LINGO2: variants seen among roughly 807,000 people sequenced by gnomAD.
LINGO2 encodes leucine-rich repeat and immunoglobulin-like domain-containing nogo receptor-interacting protein 2.
In LINGO2, 14 loss-of-function variants were observed where a neutral mutation model predicts 30.6. The observed-to-expected ratio is 0.46, with a 90% CI of 0.30 to 0.72. LINGO2 has a LOEUF of 0.72. LINGO2 is among the 30% of genes least tolerant of loss of function. The probability of loss-of-function intolerance (pLI) is 0.07; values close to 1 mark genes in which losing one functional copy is unlikely to be tolerated. For missense variants in LINGO2, 729 were observed against 751.7 expected (o/e 0.97, Z 0.35); for synonymous variants, 317 against 288.5 (o/e 1.10, Z -1.00).
Position 28,068,056 on chromosome 9 carries a change from A to G in LINGO2, c.-86-55651T>C, listed in dbSNP as rs1311408897. On this transcript the variant is annotated intron_variant, in intron 4 of 5. Transcript: ENST00000379992. ...CATCAATTAGTTCTCTGGAATGACT[A>G]AAGTCTCTGTCTTCTCTACAGTGCC... Among the ~76,000 whole-genome samples the G allele has an allele frequency of 4.6e-5, 7 of 152,290 alleles. No homozygotes were observed. In the East Asian group the frequency reaches 1.4e-3, roughly 29 times the overall value.
chr9:28,884,068 A>C, the LINGO2 span, among the ~76,000 whole-genome samples: 1 of 151,664 alleles, frequency 6.6e-6, no homozygotes, highest in Non-Finnish European at 1.5e-5. Context: ...TGTCATGCTA[A>C]GTTTTCTCAG....
chr9:29,036,388 A>G, the LINGO2 span, among the ~76,000 whole-genome samples: 1 of 152,108 alleles, frequency 6.6e-6, no homozygotes, highest in Non-Finnish European at 1.5e-5. Flanking sequence ...TCAAGTCTTA[A>G]TAACTCAAAG....
the LINGO2 span, among the ~76,000 whole-genome samples, chr9:28,783,345 T>C: frequency 6.6e-6 from 1 of 152,198 alleles, no homozygotes. Context: ...AGATTACTTA[T>C]AATGCCTAAT....
At chr9:29,054,915 G>A in the LINGO2 span, among the ~76,000 whole-genome samples, 1,050 of 151,978 alleles carry the variant, frequency 6.9e-3, 15 homozygotes, top group African/African-American at 0.024. Flanking sequence ...ACTAGACTTC[G>A]ATCTTTTAAA....
At chr9:27,982,846 C>A (rs950107885) in intron 5 of LINGO2, among the ~76,000 whole-genome samples, 1 of 151,602 alleles carries the variant, frequency 6.6e-6, no homozygotes, top group Non-Finnish European at 1.5e-5. Flanking sequence ...TAATATCAAC[C>A]CTACACAATG....
intron 1 of LINGO2, among the ~76,000 whole-genome samples, chr9:28,568,905 A>G (rs1823531093): frequency 6.8e-6 from 1 of 147,046 alleles, no homozygotes; most frequent in South Asian, 2.1e-4. Flanking sequence ...AGGAAAGTAT[A>G]AAACTCACGA....
chr9:28,700,814 G>T, the LINGO2 span, among the ~76,000 whole-genome samples: 1 of 152,050 alleles, frequency 6.6e-6, no homozygotes. Context: ...CCAGCATTTG[G>T]TGTTGTCACC....
intron 1 of LINGO2, among the ~76,000 whole-genome samples, chr9:28,549,579 G>T (rs1028155522): frequency 1.3e-5 from 2 of 151,922 alleles, no homozygotes; most frequent in African/African-American, 4.8e-5. Flanking sequence ...CAGTAGCAGT[G>T]TATGAAAGCT....
intron 1 of LINGO2, among the ~76,000 whole-genome samples, chr9:28,540,227 T>A (rs1019681734): frequency 2.6e-5 from 4 of 152,032 alleles, no homozygotes; most frequent in African/African-American, 9.7e-5. Flanking sequence ...TCATTTTTTT[T>A]TTCTTTGAGA....
At chr9:28,124,054 C>G (rs1386130724) in intron 4 of LINGO2, among the ~76,000 whole-genome samples, 1 of 152,168 alleles carries the variant, frequency 6.6e-6, no homozygotes, top group Non-Finnish European at 1.5e-5. Context: ...GAAAACACAA[C>G]TCCCACAACA....
In LINGO2 at chr9:28,358,731, G is replaced by A. The variant is rs900296276; in HGVS notation, c.-246+14105C>T. ...GTGGTACCCAGACCACAGGGTTGAC[G>A]TGAAGCACTACATACCTGGCACTTA... On this transcript the variant is annotated intron_variant, in intron 3 of 5. Transcript: ENST00000379992. Among the ~76,000 whole-genome samples the A allele has an allele frequency of 3.3e-5, 5 of 152,276 alleles. No individual in the cohort carries two copies. In the Middle Eastern group the frequency reaches 0.01, roughly 311 times the overall value.
chr9:28,916,659 G>A, the LINGO2 span, among the ~76,000 whole-genome samples: 5 of 152,154 alleles, frequency 3.3e-5, no homozygotes, highest in Admixed American at 2.6e-4. Context: ...ATTGATTGAC[G>A]TTTATGTCTC....
intron 4 of LINGO2, among the ~76,000 whole-genome samples, chr9:28,193,038 G>T (rs770846758): frequency 5.9e-5 from 9 of 152,084 alleles, no homozygotes; most frequent in Non-Finnish European, 8.8e-5. Context: ...ACATTTGATG[G>T]TTACTGACAT....
intron 4 of LINGO2, among the ~76,000 whole-genome samples, chr9:28,142,328 T>A (rs940905461): frequency 5.3e-5 from 8 of 152,132 alleles, no homozygotes; most frequent in Non-Finnish European, 7.4e-5. Flanking sequence ...AAAGTAAGTA[T>A]TTTTAAGTAG....
intron 4 of LINGO2, among the ~76,000 whole-genome samples, chr9:28,294,068 T>A (rs544138240): frequency 7.1e-4 from 108 of 152,338 alleles, no homozygotes; most frequent in African/African-American, 2.5e-3. Flanking sequence ...TTTCAAAAAA[T>A]TTTTAAATTT....
chr9:27,989,494 C>T (rs1358235137), intron 5 of LINGO2, among the ~76,000 whole-genome samples: 1 of 150,842 alleles, frequency 6.6e-6, no homozygotes, highest in Non-Finnish European at 1.5e-5. Flanking sequence ...TGCAGGAATA[C>T]AGAAAATATC....
the LINGO2 span, among the ~76,000 whole-genome samples, chr9:29,062,180 G>T: frequency 3.9e-5 from 6 of 151,986 alleles, no homozygotes; most frequent in Admixed American, 3.9e-4. Flanking sequence ...AGAAAATACA[G>T]AAAATAACAA....
the LINGO2 span, among the ~76,000 whole-genome samples, chr9:28,806,813 C>G: frequency 1.3e-5 from 2 of 152,048 alleles, no homozygotes; most frequent in Non-Finnish European, 2.9e-5. Flanking sequence ...CTCAAGCATA[C>G]TTGGCTAGCC....
chr9:28,372,990 G>A (rs577032701), intron 2 of LINGO2, 122 bp from the exon 5 acceptor site: 4 of 139,282 alleles, frequency 2.9e-5, no homozygotes, highest in South Asian at 2.5e-4. Context: ...CTTGTTGACA[G>A]GAAAGAAGCA....
Sources: gnomAD v4.1 joint callset for allele counts (sites outside exome capture counted in the v4.1 genomes callset) on GRCh38, gnomAD v4.1.1 for gene constraint, MANE v1.5 for transcripts, NCBI Gene and HGNC (gene_info 2026-07-23, HGNC 2026-07-21) for gene names.